The following KCNQ5 variants were observed in gnomAD, a reference collection of about 807,000 sequenced individuals.
The protein encoded by KCNQ5 is potassium voltage-gated channel subfamily Q member 5.
KCNQ5 carries 30 observed loss-of-function variants against 98.2 expected under a neutral mutation model. That is an observed-to-expected ratio of 0.31 (90% CI 0.23 to 0.41). The LOEUF (loss-of-function observed/expected upper bound fraction) is 0.41, where lower values mean the gene tolerates loss of function less well. Among genes scored for constraint, KCNQ5 ranks in the 10% least tolerant of loss-of-function variants. The pLI, the probability that KCNQ5 is intolerant of heterozygous loss-of-function variation, is 1.00. For synonymous variants in KCNQ5, 458 were observed against 449.4 expected (o/e 1.02, Z -0.24); for missense variants, 835 against 1,182.5 (o/e 0.71, Z 4.31).
intron 1 of KCNQ5, among the ~76,000 whole-genome samples, chr6:72,904,323 T>G (rs1467203827): frequency 2.0e-5 from 3 of 152,230 alleles, no homozygotes. Flanking sequence ...TCTGTATCTT[T>G]TAAGTGGAGC....
intron 1 of KCNQ5, among the ~76,000 whole-genome samples, chr6:72,953,774 T>C (rs1766915849): frequency 6.6e-6 from 1 of 152,200 alleles, no homozygotes. Flanking sequence ...GATATGTATG[T>C]TACAGAATTT....
At chr6:72,794,787 A>G (rs111940245) in intron 1 of KCNQ5, among the ~76,000 whole-genome samples, 1 of 152,222 alleles carries the variant, frequency 6.6e-6, no homozygotes, top group Non-Finnish European at 1.5e-5. Context: ...AGGAGAGAGT[A>G]CCTGTGCTGA....
chr6:73,191,633 A>T (rs984704850), intron 12 of KCNQ5, among the ~76,000 whole-genome samples: 1 of 152,170 alleles, frequency 6.6e-6, no homozygotes, highest in African/African-American at 2.4e-5. Flanking sequence ...GCCCTTAGTA[A>T]AATACCTGTT....
chr6:73,054,441 T>C (rs1439168741), intron 3 of KCNQ5, among the ~76,000 whole-genome samples: 1 of 152,078 alleles, frequency 6.6e-6, no homozygotes, highest in African/African-American at 2.4e-5. Flanking sequence ...GCAAAAATTC[T>C]CAATAAAATC....
chr6:72,669,063 C>T (rs79666001), intron 1 of KCNQ5, among the ~76,000 whole-genome samples: 139 of 152,176 alleles, frequency 9.1e-4, no homozygotes, highest in African/African-American at 3.2e-3. Context: ...GTGCAAAATG[C>T]ATTCATTCCA....
chr6:72,669,313 A>G (rs3936157), intron 1 of KCNQ5, among the ~76,000 whole-genome samples: 74,331 of 152,106 alleles, frequency 0.49, 21,410 homozygotes, highest in Non-Finnish European at 0.65. Flanking sequence ...ATCGGAAGGA[A>G]TGAAGGGGTG....
At chr6:73,052,010 A>T (rs760077161) in intron 3 of KCNQ5, among the ~76,000 whole-genome samples, 11 of 152,200 alleles carry the variant, frequency 7.2e-5, no homozygotes, top group Admixed American at 1.3e-4. Flanking sequence ...GATACAGGAG[A>T]TGAAAGACGA....
intron 1 of KCNQ5, among the ~76,000 whole-genome samples, chr6:72,935,965 A>G (rs559015763): frequency 6.6e-6 from 1 of 152,234 alleles, no homozygotes; most frequent in South Asian, 2.1e-4. Context: ...CTTCCCTCCT[A>G]GGAGAACCCT....
chr6:72,999,923 C>A (rs1769478327), intron 1 of KCNQ5, among the ~76,000 whole-genome samples: 1 of 152,042 alleles, frequency 6.6e-6, no homozygotes, highest in East Asian at 1.9e-4. Flanking sequence ...ACGGCTAATA[C>A]CATCATGATC....
At chr6:72,794,531 C>T (rs1412896832) in intron 1 of KCNQ5, among the ~76,000 whole-genome samples, 3 of 152,116 alleles carry the variant, frequency 2.0e-5, no homozygotes, top group African/African-American at 4.8e-5. Context: ...AAAAGAGGAC[C>T]TTTCCGATAC....
At chr6:72,711,285 G>A (rs1266050986) in intron 1 of KCNQ5, among the ~76,000 whole-genome samples, 1 of 151,992 alleles carries the variant, frequency 6.6e-6, no homozygotes, top group Non-Finnish European at 1.5e-5. Context: ...AACCAACCCT[G>A]CCAACACCAT....
intron 1 of KCNQ5, among the ~76,000 whole-genome samples, chr6:72,908,274 A>G (rs1477688366): frequency 2.6e-5 from 4 of 152,144 alleles, no homozygotes; most frequent in Admixed American, 6.5e-5. Context: ...GAACAAGTCT[A>G]GAGATCCAAT....
At chr6:73,044,289 A>G (rs1309570700) in intron 3 of KCNQ5, among the ~76,000 whole-genome samples, 3 of 152,202 alleles carry the variant, frequency 2.0e-5, no homozygotes, top group Non-Finnish European at 4.4e-5. Context: ...TCAAAAAAAT[A>G]CTAGTATGAC....
chr6:72,849,803 G>A (rs940240139), intron 1 of KCNQ5, among the ~76,000 whole-genome samples: 2 of 152,032 alleles, frequency 1.3e-5, no homozygotes, highest in African/African-American at 2.4e-5. Flanking sequence ...TGATCCTATC[G>A]GGTCTTGACT....
intron 3 of KCNQ5, among the ~76,000 whole-genome samples, chr6:73,066,927 C>G (rs1290047483): frequency 6.6e-6 from 1 of 152,126 alleles, no homozygotes; most frequent in Non-Finnish European, 1.5e-5. Context: ...ACATGGGACA[C>G]TAAAAAAATT....
At chr6:72,882,631 T>G (rs6909572) in intron 1 of KCNQ5, among the ~76,000 whole-genome samples, 91,223 of 152,014 alleles carry the variant, frequency 0.6, 28,051 homozygotes, top group East Asian at 0.79. Flanking sequence ...CCTTTTACTT[T>G]GCTTTTCTTT....
intron 1 of KCNQ5, among the ~76,000 whole-genome samples, chr6:72,821,450 C>T (rs1775747035): frequency 6.6e-6 from 1 of 152,084 alleles, no homozygotes; most frequent in South Asian, 2.1e-4. Context: ...TGTCTACCTC[C>T]CAAATAGTCT....
chr6:72,651,635 T>C (rs1765880761), intron 1 of KCNQ5, among the ~76,000 whole-genome samples: 1 of 152,056 alleles, frequency 6.6e-6, no homozygotes, highest in African/African-American at 2.4e-5. Context: ...AGTTTTCCAA[T>C]GAAAACACTC....
chr6:73,111,581 C>A (rs1051325082), intron 7 of KCNQ5, among the ~76,000 whole-genome samples, 178 bp downstream of exon 7: 2 of 152,212 alleles, frequency 1.3e-5, no homozygotes, highest in East Asian at 3.8e-4. Flanking sequence ...TGTTCCTCCT[C>A]TCCCAAACTG....
Sources: allele counts gnomAD v4.1 joint callset (sites outside exome capture counted in the v4.1 genomes callset), GRCh38; gene constraint gnomAD v4.1.1; transcripts MANE v1.5; gene names NCBI Gene and HGNC (gene_info 2026-07-23, HGNC 2026-07-21).